Variants in VAC14 observed in about 807,000 individuals in gnomAD.
The protein encoded by VAC14 is VAC14 component of PIKFYVE complex, also known as protein VAC14 homolog.
Under a neutral mutation model 85.3 loss-of-function variants are expected in VAC14, and 47 were observed. The ratio of observed to expected loss-of-function variants is 0.55; its 90% CI spans 0.44 to 0.70. VAC14 has a LOEUF of 0.70. Among genes scored for constraint, VAC14 ranks in the 30% least tolerant of loss-of-function variants. VAC14 has a pLI of 0.00. For missense variants in VAC14, 861 were observed against 1,004.3 expected, an observed-to-expected ratio of 0.86 and a Z score of 1.93; for synonymous variants, 447 against 430.5, an observed-to-expected ratio of 1.04 and a Z score of -0.47.
chr16:70,694,564 T>C (rs893896971), intron 17 of VAC14, among the ~76,000 whole-genome samples: 3 of 152,164 alleles, frequency 2.0e-5, no homozygotes, highest in African/African-American at 7.2e-5. Flanking sequence ...GCTCCAGGGC[T>C]CAGGCTGATG....
At chr16:70,765,627 C>G (rs1027873235) in intron 10 of VAC14, among the ~76,000 whole-genome samples, 1 of 152,192 alleles carries the variant, frequency 6.6e-6, no homozygotes, top group Non-Finnish European at 1.5e-5. Flanking sequence ...TCTGATCAGT[C>G]TGACTCCAGA....
intron 1 of VAC14, among the ~76,000 whole-genome samples, chr16:70,794,431 AG>A (rs1470958385): frequency 6.6e-6 from 1 of 152,080 alleles, no homozygotes; most frequent in Admixed American, 6.5e-5. Flanking sequence ...AATGTTTTCA[AG>A]GGGCTTTTTT....
At chr16:70,799,054 G>A (rs982963481) in intron 1 of VAC14, among the ~76,000 whole-genome samples, 1 of 152,204 alleles carries the variant, frequency 6.6e-6, no homozygotes, top group African/African-American at 2.4e-5. Context: ...TGTGCAGAGT[G>A]AGAACAGATA....
intron 14 of VAC14, among the ~76,000 whole-genome samples, chr16:70,704,295 G>A (rs2053881727): frequency 6.6e-6 from 1 of 152,250 alleles, no homozygotes; most frequent in African/African-American, 2.4e-5. Flanking sequence ...CTGCCTCATG[G>A]TAACAGAAGG....
In VAC14 at chr16:70,697,226, C is replaced by G. The variant is rs567126350; in HGVS notation, c.1868G>C (p.Arg623Pro). The change falls in exon 16 of 19, where the codon CGC becomes CCC. Residue 623 changes from arginine to proline, a missense_variant. Around this residue, in one of 3 missense-constraint regions of VAC14, gnomAD observed 69 missense variants for 139.0 expected, o/e 0.50. Transcript: ENST00000261776. ...GGTGACTGGGTTGTGGCACCAGGAGCGGTACAGGCAGCAGAACAGGTTCTG... is the reference window on the plus strand; with the variant it reads ...GGTGACTGGGTTGTGGCACCAGGAGGGGTACAGGCAGCAGAACAGGTTCTG... Reference protein sequence around the residue: ...ESQNLFCCLYRSWCHNPVTTV... With the variant: ...ESQNLFCCLYPSWCHNPVTTV... The G allele has an allele frequency of 6.2e-7, 1 of 1,613,796 alleles. No homozygotes were observed. The highest frequency in any genetic ancestry group is 8.5e-7 in the Non-Finnish European group (1 of 1,179,946).
intron 1 of VAC14, among the ~76,000 whole-genome samples, chr16:70,793,202 G>C (rs2034411233): frequency 6.6e-6 from 1 of 152,226 alleles, no homozygotes; most frequent in African/African-American, 2.4e-5. Flanking sequence ...AGGGAGTACA[G>C]AGGAGGTGCC....
intron 18 of VAC14, chr16:70,689,457 C>A (rs2053558795): frequency 2.1e-6 from 2 of 970,940 alleles, no homozygotes; most frequent in Non-Finnish European, 2.4e-6. Context: ...ACGGCCAGAG[C>A]CTGACAGTTG....
intron 1 of VAC14, among the ~76,000 whole-genome samples, chr16:70,791,173 T>C (rs927687850): frequency 5.3e-5 from 8 of 152,170 alleles, no homozygotes; most frequent in African/African-American, 1.9e-4. Context: ...GCACCTCCCA[T>C]CTGCCCACTC....
chr16:70,732,373 C>T (rs546589748), intron 13 of VAC14, among the ~76,000 whole-genome samples: 2 of 152,186 alleles, frequency 1.3e-5, no homozygotes, highest in South Asian at 2.1e-4. Context: ...ATGTCTCTGA[C>T]GCGTGTCCCA....
chr16:70,747,755 C>T (rs2031033459), intron 12 of VAC14: 1 of 152,324 alleles, frequency 6.6e-6, no homozygotes, highest in African/African-American at 2.4e-5. Flanking sequence ...GCGGCCAACA[C>T]TGGTGGCCAC....
intron 9 of VAC14, among the ~76,000 whole-genome samples, chr16:70,774,501 T>C (rs79164076): frequency 6.6e-6 from 1 of 152,052 alleles, no homozygotes; most frequent in Non-Finnish European, 1.5e-5. Context: ...AAGGTTACTG[T>C]TTTTCTGTTT....
At chr16:70,792,307 G>C (rs2034375220) in intron 1 of VAC14, among the ~76,000 whole-genome samples, 1 of 152,188 alleles carries the variant, frequency 6.6e-6, no homozygotes, top group African/African-American at 2.4e-5. Context: ...CTACAGGTTG[G>C]GAGCCAGAGG....
chr16:70,776,375 A>G (rs917933753), intron 9 of VAC14, among the ~76,000 whole-genome samples: 6 of 151,808 alleles, frequency 4.0e-5, no homozygotes, highest in Non-Finnish European at 8.8e-5. Context: ...CTCCCAAAGT[A>G]TTGGGATTAC....
At position 70,731,537 on chromosome 16, in the gene VAC14, C is replaced by T; in HGVS notation, c.1619G>A (p.Ser540Asn). 6.2e-7 allele frequency: 1 copy of T among 1,614,176 alleles called. No homozygotes were observed. Among genetic ancestry groups the T allele is most frequent in the Non-Finnish European group, 8.5e-7 (1 of 1,180,012 alleles). The change falls in exon 14 of 19, where the codon AGC (serine) becomes AAC (asparagine). Residue 540 changes from serine to asparagine, a missense_variant. Ser to Asn is a conservative substitution (Grantham distance 46, BLOSUM62 1). Transcript: ENST00000261776. ...FMINLLKRFSSERKLLEVRGP... is the reference protein window; with the variant it reads ...FMINLLKRFSNERKLLEVRGP... ...TCTGACCTCCAGGAGCTTCCGTTCG[C>T]TGCTGAATCTCTTGAGAAGGTTGAT...
At chr16:70,771,794 T>C (rs2033241097) in intron 10 of VAC14, 1 of 260,860 alleles carries the variant, frequency 3.8e-6, no homozygotes, top group Non-Finnish European at 7.3e-6. Flanking sequence ...TTGCCCAGAC[T>C]GGTCTTAAAC....
intron 12 of VAC14, among the ~76,000 whole-genome samples, chr16:70,754,848 T>C (rs925705665): frequency 2.6e-5 from 4 of 151,848 alleles, no homozygotes; most frequent in African/African-American, 4.8e-5. Flanking sequence ...GGAATGAAAA[T>C]TGGAGGGAAG....
Position 70,800,780 on chromosome 16 carries a change from G to T in VAC14, c.104+17C>A. On this transcript the variant is annotated intron_variant, in intron 1 of 18. Coordinates refer to ENST00000261776, the MANE Select transcript of VAC14 (RefSeq NM_018052.5). ...TCAGGGGCTGCATAGCCAGGGAGGG[G>T]TCCTGGCGGCTCTTACTTCTCGATC... 1 of 1,602,418 alleles carries T rather than the reference G, an allele frequency of 6.2e-7. No homozygotes were observed. Among genetic ancestry groups the T allele is most frequent in the Non-Finnish European group, 8.5e-7 (1 of 1,171,760 alleles).
Position 70,723,361 on chromosome 16 carries a change from C to A in VAC14, c.1661+8134G>T, listed in dbSNP as rs563192659. On this transcript the variant is annotated intron_variant, in intron 14 of 18. Transcript: ENST00000261776. ...GAGAGGCTGAGGCAGGAGGTCACAG[C>A]GAGGTGAGCCGTGATTGTGCCACTG... Among the ~76,000 whole-genome samples, 4 of 152,004 alleles carry A rather than the reference C, an allele frequency of 2.6e-5. No homozygotes were observed. The South Asian group carries it at 6.2e-4, about 24-fold the overall frequency.
At chr16:70,781,262 C>G (rs1264640542) in intron 8 of VAC14, among the ~76,000 whole-genome samples, 2 of 152,204 alleles carry the variant, frequency 1.3e-5, no homozygotes, top group African/African-American at 4.8e-5. Flanking sequence ...CACCAGAAGC[C>G]AAGCAGATGC....
Sources: gnomAD v4.1 joint callset for allele counts (sites outside exome capture counted in the v4.1 genomes callset) on GRCh38, gnomAD v4.1.1 for gene constraint, gnomAD v4.1.1 regional missense constraint, MANE v1.5 for transcripts, NCBI Gene and HGNC (gene_info 2026-07-23, HGNC 2026-07-21) for gene names.